Variants in COL1A2 observed in about 807,000 individuals in gnomAD.
COL1A2 encodes the protein collagen alpha-2(I) chain.
A neutral mutation model predicts 174.3 loss-of-function variants in COL1A2; 49 were observed. That is an observed-to-expected ratio of 0.28 (90% confidence interval 0.22 to 0.36). COL1A2 has a LOEUF of 0.36. Ranked by LOEUF, COL1A2 falls within the 10% of genes least tolerant of loss-of-function variation. The pLI is 1.00. For missense variants in COL1A2, 1,438 were observed against 1,822.7 expected (o/e 0.79, Z 3.84); for synonymous variants, 655 against 606.6 (o/e 1.08, Z -1.17).
At position 94,409,577 on chromosome 7, in the gene COL1A2, C is replaced by A. The variant is rs1213434764; in HGVS notation, c.905C>A (p.Ala302Glu). 6.2e-7 allele frequency: 1 copy of A among 1,614,210 alleles called. No individual in the cohort carries two copies. Among genetic ancestry groups the A allele is most frequent in the East Asian group, 2.2e-5 (1 of 44,880 alleles). Residue 302 changes from alanine (A) to glutamate (E), a missense_variant, in exon 18 of 52, where the codon GCA becomes GAA. Coordinates refer to ENST00000297268, the MANE Select transcript of COL1A2 (RefSeq NM_000089.4). ...TTTTCCTCATAGGGTAATCCTGGAG[C>A]AAACGGCCTTACTGGTGCCAAGGGT... The part of the protein sequence containing the change: ...GPVGPPGNPG[A>E]NGLTGAKGAA...
chr7:94,425,367 A>T, intron 42 of COL1A2, 143 bp downstream of exon 42: 1 of 887,176 alleles, frequency 1.1e-6, no homozygotes, highest in Non-Finnish European at 1.8e-6. Flanking sequence ...TAGTACTGAA[A>T]ATATGAAAAT....
At position 94,421,049 on chromosome 7, in the gene COL1A2, A is replaced by C; in HGVS notation, c.2336A>C (p.Asp779Ala). ...GPPGPAGSRG[D>A]GGPPGMTGFP... ...CCCGGTCCTGCTGGAAGTCGTGGTGATGGAGGCCCCCCTGTGAGTATTTAC... is the reference window on the plus strand; with the variant it reads ...CCCGGTCCTGCTGGAAGTCGTGGTGCTGGAGGCCCCCCTGTGAGTATTTAC... Residue 779 changes from aspartate to alanine, a missense_variant, in exon 38 of 52, where the codon GAT (aspartate) becomes GCT (alanine). Asp to Ala is a moderately radical substitution (Grantham distance 126). Transcript: ENST00000297268. 1 of 1,614,144 alleles carries C rather than the reference A, an allele frequency of 6.2e-7. No homozygotes were observed. The highest frequency in any genetic ancestry group is 8.5e-7 in the Non-Finnish European group (1 of 1,180,024).
chr7:94,413,632 A>T, intron 26 of COL1A2, 58 bp from the exon 27 acceptor site: 2 of 1,502,628 alleles, frequency 1.3e-6, no homozygotes, highest in Admixed American at 1.7e-5. Context: ...AGGCTTTGAG[A>T]CATCTTAAAC....
Position 94,429,340 on chromosome 7 carries a change from G to T in COL1A2, c.3864G>T (p.Lys1288Asn). 1 of 1,614,058 alleles carries T rather than the reference G, an allele frequency of 6.2e-7. No individual in the cohort carries two copies. Among genetic ancestry groups the T allele is most frequent in the Non-Finnish European group, 8.5e-7 (1 of 1,179,990 alleles). ...ATGAGGAGACTGGCAACCTGAAAAAGGCTGTCATTCTACAGGGCTCTAATG... is the reference window on the plus strand; with the variant it reads ...ATGAGGAGACTGGCAACCTGAAAAATGCTGTCATTCTACAGGGCTCTAATG... ...YMDEETGNLKKAVILQGSNDV... is the reference protein window; with the variant it reads ...YMDEETGNLKNAVILQGSNDV... The change falls in exon 51 of 52, where the codon AAG (lysine) becomes AAT (asparagine). Residue 1288 changes from lysine (K) to asparagine (N), a missense_variant. By Grantham distance (94) the Lys-to-Asn change is moderately conservative. Transcript: ENST00000297268.
At chr7:94,397,723 T>C in intron 1 of COL1A2, 25 bp from the exon 2 acceptor site, 2 of 1,231,602 alleles carry the variant, frequency 1.6e-6, no homozygotes, top group South Asian at 1.3e-5. Flanking sequence ...AATTGTTTCC[T>C]ACTTTTTCTT....
Position 94,404,718 on chromosome 7 carries a change from C to T in COL1A2, c.350C>T (p.Ala117Val). Residue 117 changes from alanine to valine, a missense_variant, in exon 8 of 52, where the codon GCT (alanine) becomes GTT (valine). Physicochemically the swap from Ala to Val is moderately conservative, Grantham distance 64 (BLOSUM62 0). This residue lies in a region of COL1A2 where 281 missense variants were observed against 310.9 expected (regional missense o/e 0.90). Transcript: ENST00000297268. ...APGPQGFQGP[A>V]GEPGEPGQTG... ...GGCCCTCAAGGTTTCCAAGGACCTGCTGGTGAGCCTGGTGAACCTGGTCAA... is the reference window on the plus strand; with the variant it reads ...GGCCCTCAAGGTTTCCAAGGACCTGTTGGTGAGCCTGGTGAACCTGGTCAA... 1 of 1,614,128 alleles carries T rather than the reference C, an allele frequency of 6.2e-7. No homozygotes were observed. Among genetic ancestry groups the T allele is most frequent in the Non-Finnish European group, 8.5e-7 (1 of 1,180,000 alleles).
At chr7:94,405,640 CATT>C (rs764829617) in intron 10 of COL1A2, 30 bp from the exon 11 acceptor site, 1 of 1,552,406 alleles carries the variant, frequency 6.4e-7, no homozygotes, top group African/African-American at 1.4e-5. Flanking sequence ...TATGGTAAAA[CATT>C]ATTCACCATC....
At chr7:94,399,964 T>A in intron 4 of COL1A2, 1 of 626,148 alleles carries the variant, frequency 1.6e-6, no homozygotes, top group Admixed American at 2.4e-5. Context: ...TGAATTAATA[T>A]TCAATGGCCG....
chr7:94,403,835 T>C (rs897198072), intron 6 of COL1A2, among the ~76,000 whole-genome samples: 1 of 152,198 alleles, frequency 6.6e-6, no homozygotes, highest in Admixed American at 6.5e-5. Flanking sequence ...AAAGTGTATT[T>C]AGCTTACAAA....
chr7:94,394,919 G>A lies in COL1A2; in HGVS notation c.-113G>A. 1.2e-6 allele frequency: 1 copy of A among 833,204 alleles called. No homozygotes were observed. 51.6% of individuals were successfully genotyped at this position (833,204 alleles called of 1,614,324 possible). A position where few individuals can be genotyped will look rare whatever the true frequency, so the allele number is the denominator to read the frequency against. ...TAGCACCACGGCAGCAGGAGGTTTC[G>A]GCTAAGTTGGAGGTACTGGCCACGA... On this transcript the variant is annotated 5_prime_UTR_variant, in exon 1 of 52. Coordinates refer to ENST00000297268, the MANE Select transcript of COL1A2 (RefSeq NM_000089.4).
At chr7:94,404,971 A>T (rs537569517) in intron 9 of COL1A2, 79 bp downstream of exon 9, 1 of 1,529,978 alleles carries the variant, frequency 6.5e-7, no homozygotes, top group South Asian at 1.1e-5. Flanking sequence ...ATTCAAATTA[A>T]GTATTCTGCC....
Position 94,410,224 on chromosome 7 carries a change from T to C in COL1A2, c.1036-18T>C. ...ACAAATGTTTGTCCTTTGACCACTG[T>C]TCTGTATTGAACCCTAGGGTGAGCC... is the stretch of plus-strand genomic sequence containing the variant. On this transcript the variant is annotated intron_variant, in intron 19 of 51. Coordinates refer to ENST00000297268, the MANE Select transcript of COL1A2 (RefSeq NM_000089.4). The C allele has an allele frequency of 6.2e-7, 1 of 1,613,034 alleles. No individual in the cohort carries two copies.
In COL1A2 at chr7:94,409,402, C is replaced by T. The variant is rs770128801; in HGVS notation, c.873C>T (p.Ser291=). 5.5e-5 allele frequency: 88 copies of T among 1,614,154 alleles called. No homozygotes were observed. In the East Asian group the frequency reaches 1.7e-3, roughly 32 times the overall value. The change falls in exon 17 of 52, where the codon TCC becomes TCT. Residue 291 remains serine, a synonymous_variant. Coordinates refer to ENST00000297268, the MANE Select transcript of COL1A2 (RefSeq NM_000089.4). ...PRGEVGLPGL[S]GPVGPPGNPG... is the part of the protein sequence containing the mutation. ...GTGAAGTGGGTCTTCCAGGCCTCTC[C>T]GGCCCCGTTGGACCTCCTGTAAGTA...
chr7:94,415,401 T>C (rs903033347), intron 30 of COL1A2, 131 bp downstream of exon 30: 1 of 782,644 alleles, frequency 1.3e-6, no homozygotes, highest in African/African-American at 1.7e-5. Context: ...ATGTAATCTG[T>C]AGAAAGCATT....
rs7805430 is a variant in COL1A2, at chr7:94,426,904, G to A, written c.3106-104G>A. The A allele has an allele frequency of 0.12, 118,096 of 963,254 alleles. 8,064 individuals carry two copies. Among genetic ancestry groups the A allele is most frequent in the South Asian group, 0.17 (11,976 of 70,744 alleles). The allele number at this position is 963,254 out of a possible 1,614,324, so 59.7% of individuals were successfully genotyped here. ...TTTACATTTTCAATTTTCTCAATCC[G>A]GAGTCCATTTAACTAAAGTTTCCCA... On this transcript the variant is annotated intron_variant, in intron 46 of 51. Transcript: ENST00000297268.
At chr7:94,408,966 A>T in intron 16 of COL1A2, 143 bp downstream of exon 16, 2 of 828,750 alleles carry the variant, frequency 2.4e-6, no homozygotes, top group Non-Finnish European at 4.0e-6. Flanking sequence ...ACATAGAATG[A>T]CCAGTTTTCT....
At chr7:94,395,404 T>A in intron 1 of COL1A2, 3 of 401,962 alleles carry the variant, frequency 7.5e-6, no homozygotes, top group South Asian at 6.2e-5. Flanking sequence ...TCCCTAAGGA[T>A]GAGATATTAA....
chr7:94,406,123 G>A (rs574658107), intron 11 of COL1A2, 127 bp from the exon 12 acceptor site: 2 of 942,496 alleles, frequency 2.1e-6, no homozygotes, highest in East Asian at 5.2e-5. Flanking sequence ...CTGGAACACT[G>A]GACTTCTTTC....
At chr7:94,407,198 C>T (rs185019478) in intron 12 of COL1A2, among the ~76,000 whole-genome samples, 6 of 152,246 alleles carry the variant, frequency 3.9e-5, no homozygotes, top group African/African-American at 7.2e-5. Flanking sequence ...CTTGCCACTT[C>T]AATGCTTATT....
Sources: allele counts gnomAD v4.1 joint callset (sites outside exome capture counted in the v4.1 genomes callset), GRCh38; gene constraint gnomAD v4.1.1; regional missense constraint gnomAD v4.1.1; transcripts MANE v1.5; gene names NCBI Gene and HGNC (gene_info 2026-07-23, HGNC 2026-07-21).